The following PIK3C2G variants were observed in gnomAD, a reference collection of about 807,000 sequenced individuals.
PIK3C2G encodes phosphatidylinositol 3-kinase C2 domain-containing subunit gamma.
PIK3C2G carries 168 observed loss-of-function variants against 181.1 expected under a neutral mutation model. That is an observed-to-expected ratio of 0.93 (90% CI 0.82 to 1.05). PIK3C2G has a LOEUF of 1.05. Among genes scored for constraint, PIK3C2G ranks in the 50% least tolerant of loss-of-function variants. PIK3C2G has a pLI of 0.00. For synonymous variants in PIK3C2G, 573 were observed against 592.2 expected, an observed-to-expected ratio of 0.97 and a Z score of 0.47; for missense variants, 1,869 against 1,732.8, an observed-to-expected ratio of 1.08 and a Z score of -1.40.
At chr12:18,718,452 G>C in the PIK3C2G span, among the ~76,000 whole-genome samples, 2 of 152,042 alleles carry the variant, frequency 1.3e-5, no homozygotes, top group Non-Finnish European at 2.9e-5. Context: ...TGCTCTACAA[G>C]ATCCTCATTA....
chr12:18,656,494 G>A, the PIK3C2G span, among the ~76,000 whole-genome samples: 9 of 152,292 alleles, frequency 5.9e-5, no homozygotes, highest in East Asian at 1.5e-3. Context: ...GAACCCAGGA[G>A]AAGGAGGTTG....
intron 1 of PIK3C2G, among the ~76,000 whole-genome samples, chr12:18,264,784 C>T (rs554749100): frequency 3.9e-5 from 6 of 152,152 alleles, no homozygotes; most frequent in South Asian, 4.1e-4. Flanking sequence ...AACACTCAAC[C>T]TTTTGAGAAA....
chr12:18,360,737 C>A (rs535797420), intron 11 of PIK3C2G, among the ~76,000 whole-genome samples: 2 of 152,278 alleles, frequency 1.3e-5, no homozygotes, highest in African/African-American at 4.8e-5. Context: ...CACTAATAAT[C>A]TTACGAATGT....
At chr12:18,683,284 G>T in the PIK3C2G span, 3 of 1,612,444 alleles carry the variant, frequency 1.9e-6, no homozygotes, top group Admixed American at 1.7e-5. Context: ...CAGGCTCAAG[G>T]CTCTCACCCA....
At chr12:18,479,053 C>T (rs191247363) in intron 18 of PIK3C2G, among the ~76,000 whole-genome samples, 398 of 147,790 alleles carry the variant, frequency 2.7e-3, no homozygotes, top group Admixed American at 7.5e-3. Context: ...TACATATATA[C>T]GTATACATAT....
intron 24 of PIK3C2G, among the ~76,000 whole-genome samples, chr12:18,522,055 T>C (rs1488161667): frequency 6.6e-6 from 1 of 152,214 alleles, no homozygotes; most frequent in Non-Finnish European, 1.5e-5. Context: ...CCTTCCTCTC[T>C]GTGGGTCACA....
upstream of PIK3C2G, among the ~76,000 whole-genome samples, chr12:18,259,861 G>C (rs960339736): frequency 1.3e-5 from 2 of 152,026 alleles, no homozygotes; most frequent in South Asian, 2.1e-4. Context: ...AAGACAGAAG[G>C]CTTTGTGTGT....
At chr12:18,437,982 C>T (rs1019884326) in intron 18 of PIK3C2G, among the ~76,000 whole-genome samples, 2 of 151,798 alleles carry the variant, frequency 1.3e-5, no homozygotes, top group Admixed American at 6.6e-5. Context: ...TAATAGATAA[C>T]GCTTGCAGAG....
intron 16 of PIK3C2G, among the ~76,000 whole-genome samples, chr12:18,415,185 T>C (rs1474084379): frequency 6.6e-6 from 1 of 152,264 alleles, no homozygotes; most frequent in Non-Finnish European, 1.5e-5. Context: ...TTTTTACAAC[T>C]GAAGATTTGT....
chr12:18,254,141 G>T (rs1039956501), intron 1 of PIK3C2G, among the ~76,000 whole-genome samples: 2 of 151,424 alleles, frequency 1.3e-5, no homozygotes, highest in Non-Finnish European at 2.9e-5. Flanking sequence ...AGAGTTAGAA[G>T]AATTTAAAAA....
intron 11 of PIK3C2G, among the ~76,000 whole-genome samples, chr12:18,359,972 A>G (rs1244896165): frequency 6.6e-6 from 1 of 152,158 alleles, no homozygotes; most frequent in Non-Finnish European, 1.5e-5. Context: ...CTTTTAAAGT[A>G]ATTAATAGTA....
At chr12:18,385,073 T>G (rs1309685773) in intron 14 of PIK3C2G, among the ~76,000 whole-genome samples, 1 of 152,118 alleles carries the variant, frequency 6.6e-6, no homozygotes, top group East Asian at 1.9e-4. Context: ...TTAGTATGAG[T>G]CTCGGGGAAA....
rs2417703 is a variant in PIK3C2G at position 18,620,519 on chromosome 12, T to C, written c.4182+10890T>C. 3.7e-3 allele frequency among the ~76,000 whole-genome samples: 507 copies of C among 135,706 alleles called. 1 individual carries two copies. Among genetic ancestry groups the C allele is most frequent in the Non-Finnish European group, 4.8e-3 (303 of 63,052 alleles). 89.0% of individuals were successfully genotyped at this position (135,706 alleles called of 152,430 possible). ...TGCATATGACAGATAGATAAATGAT[T>C]AGACAGACAGATAGATAGATAGATA... On this transcript the variant is annotated intron_variant, in intron 31 of 32. Transcript: ENST00000538779.
chr12:18,276,048 A>G (rs1023928252), intron 1 of PIK3C2G, among the ~76,000 whole-genome samples: 3 of 152,230 alleles, frequency 2.0e-5, no homozygotes, highest in Admixed American at 1.3e-4. Context: ...TATTTGTTGC[A>G]GTAGACAAAG....
chr12:18,656,753 C>T, the PIK3C2G span, among the ~76,000 whole-genome samples: 8 of 50,348 alleles, frequency 1.6e-4, no homozygotes, highest in South Asian at 1.1e-3. Flanking sequence ...GCAACAACAA[C>T]GACAACAACA....
chr12:18,279,349 A>G lies in PIK3C2G; in HGVS notation c.-78-2655A>G, dbSNP rs145282208. On this transcript the variant is annotated intron_variant, in intron 1 of 32. Transcript: ENST00000538779. ...ATATCTACATATCTAAAGCATTAGCACAGAGTAGGTGCTCAAAAAATGTTA... is the reference window on the plus strand; with the variant it reads ...ATATCTACATATCTAAAGCATTAGCGCAGAGTAGGTGCTCAAAAAATGTTA... Among the ~76,000 whole-genome samples, 372 of 152,182 alleles carry G rather than the reference A, an allele frequency of 2.4e-3. 2 individuals carry two copies. The highest frequency in any genetic ancestry group is 8.6e-3 in the African/African-American group (359 of 41,570).
the PIK3C2G span, among the ~76,000 whole-genome samples, chr12:18,718,596 G>A: frequency 6.6e-6 from 1 of 151,904 alleles, no homozygotes; most frequent in African/African-American, 2.4e-5. Context: ...CCCACTAGAT[G>A]TTTCTAAGGC....
chr12:18,381,567 G>A (rs1942835986), intron 13 of PIK3C2G, among the ~76,000 whole-genome samples, 199 bp from the exon 14 acceptor site: 1 of 152,178 alleles, frequency 6.6e-6, no homozygotes, highest in Non-Finnish European at 1.5e-5. Flanking sequence ...TATGAAAATA[G>A]CCAAGCATGT....
chr12:18,270,600 G>A (rs920178426), intron 1 of PIK3C2G, among the ~76,000 whole-genome samples: 6 of 152,032 alleles, frequency 3.9e-5, no homozygotes, highest in African/African-American at 1.4e-4. Context: ...ATAAAATGTA[G>A]GCTAGCTATA....
Sources: allele counts gnomAD v4.1 joint callset (sites outside exome capture counted in the v4.1 genomes callset), GRCh38; gene constraint gnomAD v4.1.1; transcripts MANE v1.5; gene names NCBI Gene and HGNC (gene_info 2026-07-23, HGNC 2026-07-21).